Variants in PPP2R5A observed in about 807,000 individuals in gnomAD.
PPP2R5A encodes the protein protein phosphatase 2 regulatory subunit B'alpha.
Under a neutral mutation model 64.2 loss-of-function variants are expected in PPP2R5A, and 25 were observed. That is an observed-to-expected ratio of 0.39 (90% CI 0.28 to 0.54). The LOEUF (loss-of-function observed/expected upper bound fraction) is 0.54, where lower values mean the gene tolerates loss of function less well. PPP2R5A is among the 20% of genes least tolerant of loss of function. PPP2R5A has a pLI of 0.67. For missense variants in PPP2R5A, 425 were observed against 576.3 expected (o/e 0.74, Z 2.69); for synonymous variants, 198 against 201.2 (o/e 0.98, Z 0.13).
At chr1:212,309,123 T>G (rs780093280) in intron 1 of PPP2R5A, 4 of 1,018,914 alleles carry the variant, frequency 3.9e-6, no homozygotes, top group Non-Finnish European at 6.1e-6. Flanking sequence ...CCTTCTTCTC[T>G]CCATCAGGCC....
At chr1:212,357,405 A>T in intron 11 of PPP2R5A, 121 bp downstream of exon 11, 4 of 910,244 alleles carry the variant, frequency 4.4e-6, no homozygotes, top group Non-Finnish European at 6.3e-6. Flanking sequence ...CAAGGTTAAC[A>T]TCAGTTGTAT....
At chr1:212,288,752 T>G (rs1348905475) in intron 1 of PPP2R5A, among the ~76,000 whole-genome samples, 1 of 152,226 alleles carries the variant, frequency 6.6e-6, no homozygotes, top group Non-Finnish European at 1.5e-5. Flanking sequence ...TGGAAAGCCC[T>G]TTAGTATGTG....
At chr1:212,316,890 T>C (rs1659164844) in intron 1 of PPP2R5A, among the ~76,000 whole-genome samples, 1 of 152,114 alleles carries the variant, frequency 6.6e-6, no homozygotes, top group African/African-American at 2.4e-5. Flanking sequence ...TTCAGTTTCT[T>C]TAGGGAAGAA....
chr1:212,347,051 G>A (rs1659792737), intron 5 of PPP2R5A, among the ~76,000 whole-genome samples: 1 of 152,100 alleles, frequency 6.6e-6, no homozygotes. Context: ...GTATTTCTTT[G>A]AGGAAACTTA....
chr1:212,324,202 A>G (rs968958199), intron 1 of PPP2R5A, among the ~76,000 whole-genome samples: 1 of 152,226 alleles, frequency 6.6e-6, no homozygotes, highest in African/African-American at 2.4e-5. Flanking sequence ...TACTTCCACA[A>G]ACTTAAATGG....
chr1:212,320,844 G>A (rs1659267328), intron 1 of PPP2R5A, among the ~76,000 whole-genome samples: 3 of 142,800 alleles, frequency 2.1e-5, no homozygotes, highest in African/African-American at 5.2e-5. Context: ...GGACGGGGCG[G>A]CTGGCCGGGC....
chr1:212,300,880 T>A (rs1188123792), intron 1 of PPP2R5A, among the ~76,000 whole-genome samples: 1 of 151,970 alleles, frequency 6.6e-6, no homozygotes, highest in African/African-American at 2.4e-5. Context: ...TTTTAAAAAA[T>A]ATATATAATA....
At chr1:212,352,856 C>T in intron 8 of PPP2R5A, 1 of 519,184 alleles carries the variant, frequency 1.9e-6, no homozygotes, top group Non-Finnish European at 3.8e-6. Flanking sequence ...CATGTAGCTG[C>T]TGTGGTCAAA....
At chr1:212,326,118 G>A (rs2102430832) in intron 1 of PPP2R5A, among the ~76,000 whole-genome samples, 2 of 152,202 alleles carry the variant, frequency 1.3e-5, no homozygotes, top group Admixed American at 1.3e-4. Flanking sequence ...AAGACTGCTG[G>A]TTATGTGTAG....
chr1:212,302,185 G>C (rs1658810004), intron 1 of PPP2R5A: 2 of 1,217,520 alleles, frequency 1.6e-6, no homozygotes, highest in Non-Finnish European at 1.2e-6. Flanking sequence ...AGATGCATTT[G>C]AAACAGTACA....
intron 1 of PPP2R5A, among the ~76,000 whole-genome samples, chr1:212,319,787 A>C (rs1341785600): frequency 6.7e-6 from 1 of 150,278 alleles, no homozygotes; most frequent in Non-Finnish European, 1.5e-5. Context: ...CACCCGGCTA[A>C]TTTTTTTGTA....
chr1:212,357,391 ACT>A, intron 11 of PPP2R5A, 107 bp downstream of exon 11: 1 of 1,074,244 alleles, frequency 9.3e-7, no homozygotes, highest in Non-Finnish European at 1.3e-6. Context: ...TTTGGAAGTT[ACT>A]CCAAGGTTAA....
rs182683116 is a variant in PPP2R5A, at chr1:212,333,570, C to T, written c.452C>T (p.Thr151Met). The T allele has an allele frequency of 9.9e-5, 156 of 1,583,032 alleles. No homozygotes were observed. Among genetic ancestry groups the T allele is most frequent in the Admixed American group, 1.8e-4 (10 of 56,998 alleles). Residue 151 changes from threonine (T) to methionine (M), a missense_variant, in exon 3 of 13, where the codon ACG (threonine) becomes ATG (methionine). Around this residue, in one of 4 missense-constraint regions of PPP2R5A, gnomAD observed 140 missense variants for 204.4 expected, o/e 0.68. Transcript: ENST00000261461. ...TTTGATCCAGAAGAGGATGAACCCA[C>T]GCTTGAGGCCTCTTGGCCTCACATA... Reference protein sequence around the residue: ...PDFDPEEDEPTLEASWPHIQL... With the variant: ...PDFDPEEDEPMLEASWPHIQL...
chr1:212,302,104 A>G, intron 1 of PPP2R5A: 1 of 1,504,702 alleles, frequency 6.6e-7, no homozygotes, highest in Non-Finnish European at 8.9e-7. Flanking sequence ...TATGTATATT[A>G]AGATTTCAGT....
intron 1 of PPP2R5A, among the ~76,000 whole-genome samples, chr1:212,289,291 C>G (rs745405434): frequency 6.6e-6 from 1 of 152,182 alleles, no homozygotes; most frequent in Non-Finnish European, 1.5e-5. Context: ...CCTGCTTTTT[C>G]ACACCTAGTA....
intron 1 of PPP2R5A, among the ~76,000 whole-genome samples, chr1:212,289,135 G>A (rs1038943643): frequency 5.3e-5 from 8 of 152,158 alleles, no homozygotes; most frequent in African/African-American, 1.9e-4. Flanking sequence ...GCTTGGTTTG[G>A]TAAAGTAGTT....
chr1:212,306,160 A>AT (rs1051275708), intron 1 of PPP2R5A, among the ~76,000 whole-genome samples: 10 of 151,932 alleles, frequency 6.6e-5, no homozygotes, highest in African/African-American at 1.4e-4. Flanking sequence ...TAAACATTGT[A>AT]TTTTTTTTAG....
At chr1:212,320,678 CG>C (rs1368733248) in intron 1 of PPP2R5A, among the ~76,000 whole-genome samples, 2 of 126,348 alleles carry the variant, frequency 1.6e-5, no homozygotes, top group African/African-American at 5.4e-5. Flanking sequence ...GCTGGCCGGG[CG>C]GGGGGCTGAC....
chr1:212,314,650 C>T (rs929732509), intron 1 of PPP2R5A, among the ~76,000 whole-genome samples: 13 of 151,444 alleles, frequency 8.6e-5, no homozygotes, highest in African/African-American at 2.7e-4. Flanking sequence ...CTCCACTTCC[C>T]GGGTTCAAGC....
Sources: allele counts gnomAD v4.1 joint callset (sites outside exome capture counted in the v4.1 genomes callset), GRCh38; gene constraint gnomAD v4.1.1; regional missense constraint gnomAD v4.1.1; transcripts MANE v1.5; gene names NCBI Gene and HGNC (gene_info 2026-07-23, HGNC 2026-07-21).